CA4: variants seen among roughly 807,000 people sequenced by gnomAD.
CA4 encodes CA-IV.
CA4 carries 24 observed loss-of-function variants against 34.5 expected under a neutral mutation model. The ratio of observed to expected loss-of-function variants is 0.70; its 90% CI spans 0.50 to 0.98. CA4 has a LOEUF of 0.98. Among genes scored for constraint, CA4 ranks in the 50% least tolerant of loss-of-function variants. The probability of loss-of-function intolerance (pLI) is 0.00; values close to 1 mark genes in which losing one functional copy is unlikely to be tolerated. For synonymous variants in CA4, 178 were observed against 170.6 expected (o/e 1.04, Z -0.34); for missense variants, 394 against 396.7 (o/e 0.99, Z 0.06).
rs2145283356 is a variant in CA4 at position 60,159,366 on chromosome 17, C to A, written c.881C>A (p.Ala294Asp). Reference sequence around the variant, plus strand: ...GCCCCGGGTCGGCCGCTGCCCTGGGCCCTGCCTGCCCTGCTGGGCCCCATG... The same window carrying A: ...GCCCCGGGTCGGCCGCTGCCCTGGGACCTGCCTGCCCTGCTGGGCCCCATG... ...SGAPGRPLPW[A>D]LPALLGPMLA... The change falls in exon 8 of 8, where the codon GCC (alanine) becomes GAC (aspartate). Residue 294 changes from alanine to aspartate, a missense_variant. By Grantham distance (126) the Ala-to-Asp change is moderately radical (BLOSUM62 -2). Coordinates refer to ENST00000300900, the MANE Select transcript of CA4 (RefSeq NM_000717.5). The A allele has an allele frequency of 1.2e-6, 2 of 1,611,866 alleles. No individual in the cohort carries two copies. Among genetic ancestry groups the A allele is most frequent in the Non-Finnish European group, 1.7e-6 (2 of 1,179,386 alleles).
At chr17:60,176,342 C>T in the CA4 span, among the ~76,000 whole-genome samples, 4 of 152,144 alleles carry the variant, frequency 2.6e-5, no homozygotes, top group East Asian at 1.9e-4. Flanking sequence ...CCTGAGTGTT[C>T]GGTATTTTAA....
chr17:60,166,631 C>T (rs2083858060), intron 5 of CA4, among the ~76,000 whole-genome samples: 1 of 152,144 alleles, frequency 6.6e-6, no homozygotes, highest in African/African-American at 2.4e-5. Flanking sequence ...GATGAGGAAA[C>T]GAAATACACA....
intron 3 of CA4, 164 bp downstream of exon 3, chr17:60,156,879 C>A: frequency 1.4e-6 from 1 of 698,178 alleles, no homozygotes. Flanking sequence ...AGAGAGCACT[C>A]TAGTATGTTT....
downstream of CA4, among the ~76,000 whole-genome samples, chr17:60,163,586 CA>C (rs777928246): frequency 1.2e-4 from 19 of 152,180 alleles, no homozygotes; most frequent in Non-Finnish European, 2.5e-4. Context: ...CTGAGAGGGA[CA>C]AAGGCATTCT....
At chr17:60,150,773 C>T (rs1259693504) in intron 1 of CA4, among the ~76,000 whole-genome samples, 1 of 151,978 alleles carries the variant, frequency 6.6e-6, no homozygotes, top group Non-Finnish European at 1.5e-5. Flanking sequence ...CCGTCCGTCC[C>T]GCTGGGACTC....
At chr17:60,155,018 A>G (rs6503947) in intron 1 of CA4, among the ~76,000 whole-genome samples, 30,115 of 152,168 alleles carry the variant, frequency 0.2, 6,430 homozygotes, top group African/African-American at 0.54. Context: ...GGAGTATCCA[A>G]GCCAGCCCCA....
Position 60,157,734 on chromosome 17 carries a change from G to A in CA4, c.459G>A (p.Val153=), listed in dbSNP as rs1188282110. 9 of 1,614,080 alleles carry A rather than the reference G, an allele frequency of 5.6e-6. No homozygotes were observed. The highest frequency in any genetic ancestry group is 6.8e-6 in the Non-Finnish European group (8 of 1,180,006). Residue 153 remains valine (V), a synonymous_variant, in exon 5 of 8, where the codon GTG becomes GTA. Transcript: ENST00000300900. ...AAGAGAAGGGGACATCGAGGAATGT[G>A]AAAGAGGCCCAGGACCCTGAAGACG... The part of the protein sequence containing the change: ...HEKEKGTSRN[V]KEAQDPEDEI...
chr17:60,157,404 C>T, intron 3 of CA4, 23 bp from the exon 4 acceptor site: 1 of 1,614,082 alleles, frequency 6.2e-7, no homozygotes. Flanking sequence ...GGTTCGAGGA[C>T]TCTGCCCCTT....
chr17:60,156,336 A>T lies in CA4; in HGVS notation c.113-224A>T, dbSNP rs1023456870. On this transcript the variant is annotated intron_variant, in intron 2 of 7. Transcript: ENST00000300900. The stretch of plus-strand genomic sequence containing the variant: ...CCACCCTGTTCCACACTGGGGCTAG[A>T]CTCCCCAGCCTTGCATGTATGTTTC... Among the ~76,000 whole-genome samples the T allele has an allele frequency of 1.6e-4, 25 of 152,016 alleles. 1 individual carries two copies. Among genetic ancestry groups the T allele is most frequent in the Non-Finnish European group, 1.5e-5 (1 of 67,996 alleles).
At chr17:60,155,087 G>A (rs1389121462) in intron 1 of CA4, among the ~76,000 whole-genome samples, 2 of 152,144 alleles carry the variant, frequency 1.3e-5, no homozygotes, top group Admixed American at 6.5e-5. Context: ...GCTTGGCCTG[G>A]CCCTGCCTGG....
the CA4 span, among the ~76,000 whole-genome samples, chr17:60,178,350 C>A: frequency 6.6e-6 from 1 of 152,216 alleles, no homozygotes; most frequent in Non-Finnish European, 1.5e-5. Context: ...ATGCCACTTA[C>A]CTTCCCAGAA....
intron 7 of CA4, 144 bp downstream of exon 7, chr17:60,158,590 A>C (rs1370421571): frequency 2.5e-6 from 2 of 790,954 alleles, no homozygotes; most frequent in Non-Finnish European, 4.1e-6. Flanking sequence ...ACATTCACTG[A>C]AGACAGGCAA....
At chr17:60,161,299 T>A (rs1164030778), downstream of CA4, among the ~76,000 whole-genome samples, 1 of 152,000 alleles carries the variant, frequency 6.6e-6, no homozygotes, top group Non-Finnish European at 1.5e-5. Context: ...CCAAGCCAGG[T>A]CAGGCCCCAG....
At chr17:60,153,578 G>A (rs1166776216) in intron 1 of CA4, among the ~76,000 whole-genome samples, 1 of 152,176 alleles carries the variant, frequency 6.6e-6, no homozygotes, top group Non-Finnish European at 1.5e-5. Context: ...ATTCTCTCTT[G>A]TGCAAGATCC....
At chr17:60,154,321 A>C (rs2083642183) in intron 1 of CA4, among the ~76,000 whole-genome samples, 1 of 151,930 alleles carries the variant, frequency 6.6e-6, no homozygotes, top group South Asian at 2.1e-4. Context: ...ACCTCATTTA[A>C]TCCTCCCCAA....
chr17:60,154,783 C>G (rs904743798), intron 1 of CA4, among the ~76,000 whole-genome samples: 1 of 152,200 alleles, frequency 6.6e-6, no homozygotes, highest in Non-Finnish European at 1.5e-5. Flanking sequence ...CTGTGAGACG[C>G]TAGCCAAGAA....
the CA4 span, among the ~76,000 whole-genome samples, chr17:60,177,826 T>C: frequency 1.3e-5 from 2 of 152,154 alleles, no homozygotes; most frequent in African/African-American, 4.8e-5. Flanking sequence ...CTTAGTTACA[T>C]TGGTAATTAC....
chr17:60,151,196 C>A (rs948153018), intron 1 of CA4, among the ~76,000 whole-genome samples: 13 of 152,144 alleles, frequency 8.5e-5, no homozygotes, highest in Admixed American at 5.9e-4. Context: ...TCAGCCCAAC[C>A]ACCCCTCGGA....
At chr17:60,155,597 A>AAC (rs1168837195) in intron 2 of CA4, among the ~76,000 whole-genome samples, 1 of 148,702 alleles carries the variant, frequency 6.7e-6, no homozygotes, top group Non-Finnish European at 1.5e-5. Flanking sequence ...ACACACACAC[A>AAC]ACACACACAC....
Sources: gnomAD v4.1 joint callset for allele counts (sites outside exome capture counted in the v4.1 genomes callset) on GRCh38, gnomAD v4.1.1 for gene constraint, MANE v1.5 for transcripts, NCBI Gene and HGNC (gene_info 2026-07-23, HGNC 2026-07-21) for gene names.